Variants in H1-7 observed in about 807,000 individuals in gnomAD.
H1-7 encodes H1.7 linker histone, also known as testis-specific H1 histone.
A neutral mutation model predicts 0.3 loss-of-function variants in H1-7; 1 was observed. The ratio of observed to expected loss-of-function variants is 3.06; its 90% confidence interval spans 1.09 to 14.53. H1-7 has a LOEUF of 14.53. H1-7 is among the 30% of genes most tolerant of loss of function. The pLI is 0.12. For synonymous variants in H1-7, 177 were observed against 153.2 expected (o/e 1.16, Z -1.15); for missense variants, 393 against 353.1 (o/e 1.11, Z -0.91).
In H1-7 at chr12:48,329,345, G is replaced by T; in HGVS notation, c.54G>T (p.Gly18=). The T allele has an allele frequency of 6.2e-7, 1 of 1,606,996 alleles. No homozygotes were observed. Among genetic ancestry groups the T allele is most frequent in the Non-Finnish European group, 8.5e-7 (1 of 1,176,344 alleles). The change falls in exon 1 of 1, where the codon GGG becomes GGT. Residue 18 remains glycine, a synonymous_variant. Coordinates refer to ENST00000335017, the MANE Select transcript of H1-7 (RefSeq NM_181788.1). ...AAAGCCGGTGGCCCCGCAGAGGCGGGAGTGGGGCCATGGCTGAGGCGCCTG... is the reference window on the plus strand; with the variant it reads ...AAAGCCGGTGGCCCCGCAGAGGCGGTAGTGGGGCCATGGCTGAGGCGCCTG... ...EAQSRWPRRG[G]SGAMAEAPGP... is the part of the protein sequence containing the mutation.
At position 48,330,134 on chromosome 12, in the gene H1-7, C is replaced by G. The variant is rs988323356; in HGVS notation, c.*75C>G. The G allele has an allele frequency of 4.1e-6, 6 of 1,448,888 alleles. No individual in the cohort carries two copies. The highest frequency in any genetic ancestry group is 5.5e-6 in the Non-Finnish European group (6 of 1,090,502). 89.8% of individuals were successfully genotyped at this position (1,448,888 alleles called of 1,614,324 possible). On this transcript the variant is annotated 3_prime_UTR_variant, in exon 1 of 1. Transcript: ENST00000335017. ...CACTAAAGACTTCCACAAAGACCTC[C>G]CCTAAATCTGAAGGTCTTCCTGATC...
Position 48,329,702 on chromosome 12 carries a change from A to G in H1-7, c.411A>G (p.Gln137=), listed in dbSNP as rs767600904. 3.7e-6 allele frequency: 6 copies of G among 1,610,228 alleles called. No individual in the cohort carries two copies. Among genetic ancestry groups the G allele is most frequent in the African/African-American group, 1.3e-5 (1 of 74,872 alleles). The change falls in exon 1 of 1, where the codon CAA becomes CAG. Residue 137 remains glutamine (Q), a synonymous_variant. Transcript: ENST00000335017. The stretch of plus-strand genomic sequence containing the variant: ...GGAGAAAGCCGGGACGCGCGAGGCA[A>G]GAGGAGGGCACGCGCGCTCCCTGGA... The part of the protein sequence containing the change: ...KPRRKPGRAR[Q]EEGTRAPWRT...
rs760796679 is a variant in H1-7 at position 48,329,773 on chromosome 12, T to C, written c.482T>C (p.Leu161Pro). 1.9e-6 allele frequency: 3 copies of C among 1,599,520 alleles called. No homozygotes were observed. Among genetic ancestry groups the C allele is most frequent in the Non-Finnish European group, 2.6e-6 (3 of 1,174,256 alleles). Residue 161 changes from leucine (L) to proline (P), a missense_variant, in exon 1 of 1, where the codon CTT becomes CCT. Transcript: ENST00000335017. The part of the protein sequence containing the change: ...PRSSRRRRQP[L>P]RKAARKAREV... Reference sequence around the variant, plus strand: ...AGCTCCCGGAGGCGCCGCCAGCCCCTTCGCAAGGCGGCCAGGAAGGCCAGA... The same window carrying C: ...AGCTCCCGGAGGCGCCGCCAGCCCCCTCGCAAGGCGGCCAGGAAGGCCAGA...
rs1434825856 is a variant in H1-7, at chr12:48,329,366, G to T, written c.75G>T (p.Ala25=). 4 of 1,611,224 alleles carry T rather than the reference G, an allele frequency of 2.5e-6. No individual in the cohort carries two copies. Among genetic ancestry groups the T allele is most frequent in the Non-Finnish European group, 3.4e-6 (4 of 1,178,766 alleles). ...RRGGSGAMAE[A]PGPSGESRGH... ...GCGGGAGTGGGGCCATGGCTGAGGC[G>T]CCTGGGCCCAGTGGCGAATCCCGAG... is the stretch of plus-strand genomic sequence containing the variant. Residue 25 remains alanine (A), a synonymous_variant, in exon 1 of 1, where the codon GCG becomes GCT. Transcript: ENST00000335017.
rs1279996982 is a variant in H1-7, at chr12:48,329,811, C to T, written c.520C>T (p.Arg174Trp). Residue 174 changes from arginine to tryptophan, a missense_variant, in exon 1 of 1, where the codon CGG becomes TGG. By Grantham distance (101) the Arg-to-Trp change is moderately radical. Transcript: ENST00000335017. Reference protein sequence around the residue: ...AARKAREVWRRNARAKAKANA... With the variant: ...AARKAREVWRWNARAKAKANA... ...CAGGAAGGCCAGAGAAGTGTGGAGA[C>T]GGAACGCGAGGGCGAAAGCCAAGGC... The T allele has an allele frequency of 5.6e-6, 9 of 1,596,924 alleles. No homozygotes were observed. Among genetic ancestry groups the T allele is most frequent in the East Asian group, 2.3e-5 (1 of 44,264 alleles).
In H1-7 at chr12:48,329,544, A is replaced by C; in HGVS notation, c.253A>C (p.Asn85His). 1 of 1,613,396 alleles carries C rather than the reference A, an allele frequency of 6.2e-7. No individual in the cohort carries two copies. The highest frequency in any genetic ancestry group is 8.5e-7 in the Non-Finnish European group (1 of 1,179,896). Residue 85 changes from asparagine to histidine, a missense_variant, in exon 1 of 1, where the codon AAC (asparagine) becomes CAC (histidine). Physicochemically the swap from Asn to His is moderately conservative, Grantham distance 68. Transcript: ENST00000335017. ...GGCAGCTCTCAAGAAGGAGCTCCGAAACGCCGGCTACGAAGTGCGCAGGAA... is the reference window on the plus strand; with the variant it reads ...GGCAGCTCTCAAGAAGGAGCTCCGACACGCCGGCTACGAAGTGCGCAGGAA... ...TLAALKKELRNAGYEVRRKSG... is the reference protein window; with the variant it reads ...TLAALKKELRHAGYEVRRKSG...
chr12:48,329,790 A>G lies in H1-7; in HGVS notation c.499A>G (p.Lys167Glu). The G allele has an allele frequency of 6.3e-7, 1 of 1,598,658 alleles. No homozygotes were observed. The highest frequency in any genetic ancestry group is 8.5e-7 in the Non-Finnish European group (1 of 1,173,516). ...CCAGCCCCTTCGCAAGGCGGCCAGG[A>G]AGGCCAGAGAAGTGTGGAGACGGAA... ...RRQPLRKAAR[K>E]AREVWRRNAR... Residue 167 changes from lysine to glutamate, a missense_variant, in exon 1 of 1, where the codon AAG (lysine) becomes GAG (glutamate). By Grantham distance (56) the Lys-to-Glu change is moderately conservative. Coordinates refer to ENST00000335017, the MANE Select transcript of H1-7 (RefSeq NM_181788.1).
At position 48,329,417 on chromosome 12, in the gene H1-7, G is replaced by A. The variant is rs200829920; in HGVS notation, c.126G>A (p.Ala42=). Reference sequence around the variant, plus strand: ...GACACTCAGCCACTCAGCTGCCAGCGGAAAAAACTGTCGGGGGACCATCGA... The same window carrying A: ...GACACTCAGCCACTCAGCTGCCAGCAGAAAAAACTGTCGGGGGACCATCGA... ...SRGHSATQLP[A]EKTVGGPSRG... The change falls in exon 1 of 1, where the codon GCG becomes GCA. Residue 42 remains alanine (A), a synonymous_variant. Coordinates refer to ENST00000335017, the MANE Select transcript of H1-7 (RefSeq NM_181788.1). The A allele has an allele frequency of 2.0e-5, 33 of 1,614,186 alleles. 1 individual carries two copies. In the Admixed American group the frequency reaches 5.3e-4, roughly 26 times the overall value.
Position 48,329,129 on chromosome 12 carries a change from C to G in H1-7, c.-163C>G. The stretch of plus-strand genomic sequence containing the variant: ...TAGGTGACTGTTGGGGGTGGACAGG[C>G]GCTGAAGACTTGGATTGGTTTAGAC... On this transcript the variant is annotated 5_prime_UTR_variant, in exon 1 of 1. Coordinates refer to ENST00000335017, the MANE Select transcript of H1-7 (RefSeq NM_181788.1). The G allele has an allele frequency of 1.3e-6, 1 of 753,686 alleles. No individual in the cohort carries two copies. The highest frequency in any genetic ancestry group is 2.1e-6 in the Non-Finnish European group (1 of 483,190). 46.7% of individuals were successfully genotyped at this position (753,686 alleles called of 1,614,324 possible).
the H1-7 span, chr12:48,329,916 G>T: frequency 6.3e-7 from 1 of 1,598,506 alleles, no homozygotes; most frequent in Admixed American, 1.8e-5. Context: ...GGAGGAAGCG[G>T]GAGCGACAGC....
Position 48,329,965 on chromosome 12 carries a change from C to T in H1-7, c.674C>T (p.Thr225Ile), listed in dbSNP as rs774468921. 5.6e-6 allele frequency: 9 copies of T among 1,612,746 alleles called. No homozygotes were observed. Among genetic ancestry groups the T allele is most frequent in the Non-Finnish European group, 7.6e-6 (9 of 1,179,432 alleles). ...EGRGQAVKED[T>I]TPRSGKDKRR... is the part of the protein sequence containing the mutation. ...CGAGGACAGGCCGTGAAGGAAGACA[C>T]CACGCCGAGGTCAGGGAAGGACAAG... Residue 225 changes from threonine (T) to isoleucine (I), a missense_variant, in exon 1 of 1, where the codon ACC becomes ATC. Transcript: ENST00000335017.
At position 48,329,965 on chromosome 12, in the gene H1-7, C is replaced by A. The variant is rs774468921; in HGVS notation, c.674C>A (p.Thr225Asn). 1.9e-6 allele frequency: 3 copies of A among 1,612,628 alleles called. No individual in the cohort carries two copies. Among genetic ancestry groups the A allele is most frequent in the Middle Eastern group, 1.7e-4 (1 of 6,032 alleles). ...EGRGQAVKED[T>N]TPRSGKDKRR... ...CGAGGACAGGCCGTGAAGGAAGACA[C>A]CACGCCGAGGTCAGGGAAGGACAAG... Residue 225 changes from threonine to asparagine, a missense_variant, in exon 1 of 1, where the codon ACC becomes AAC. Coordinates refer to ENST00000335017, the MANE Select transcript of H1-7 (RefSeq NM_181788.1).
At position 48,329,193 on chromosome 12, in the gene H1-7, A is replaced by T; in HGVS notation, c.-99A>T. 7.3e-7 allele frequency: 1 copy of T among 1,374,262 alleles called. No individual in the cohort carries two copies. Among genetic ancestry groups the T allele is most frequent in the Non-Finnish European group, 9.7e-7 (1 of 1,030,532 alleles). 85.1% of individuals were successfully genotyped at this position (1,374,262 alleles called of 1,614,324 possible). A position where few individuals can be genotyped will look rare whatever the true frequency, so the allele number is the denominator to read the frequency against. On this transcript the variant is annotated 5_prime_UTR_variant, in exon 1 of 1. Transcript: ENST00000335017. ...GCATTTGATTGGTTATTATAAGTGA[A>T]AAGGGCCCCTCCCCGGGTGAGATAT...
chr12:48,329,638 C>CCG, the H1-7 span: 5 of 1,611,548 alleles, frequency 3.1e-6, no homozygotes, highest in Non-Finnish European at 4.2e-6. Context: ...GGCAGCGACG[C>CCG]CGCCGGCTAC....
At position 48,329,115 on chromosome 12, in the gene H1-7, TG is replaced by T; in HGVS notation, c.-172del. On this transcript the variant is annotated 5_prime_UTR_variant, in exon 1 of 1. Transcript: ENST00000335017. The stretch of plus-strand genomic sequence containing the variant: ...GGAGACTCTATAGGTAGGTGACTGT[TG>T]GGGGTGGACAGGCGCTGAAGACTTG... 2 of 656,318 alleles carry T rather than the reference TG, an allele frequency of 3.0e-6. No homozygotes were observed. 40.7% of individuals were successfully genotyped at this position (656,318 alleles called of 1,614,324 possible).
At position 48,329,031 on chromosome 12, in the gene H1-7, C is replaced by G; in HGVS notation, c.-261C>G. ...AGGACCACATACACACACAAAATAG[C>G]CGACTAAAGAAAGCGGTGGAGATCG... On this transcript the variant is annotated 5_prime_UTR_variant, in exon 1 of 1. Transcript: ENST00000335017. 2.2e-6 allele frequency: 1 copy of G among 456,270 alleles called. No homozygotes were observed. The highest frequency in any genetic ancestry group is 3.9e-6 in the Non-Finnish European group (1 of 259,698). The allele number at this position is 456,270 out of a possible 1,614,324, so 28.3% of individuals were successfully genotyped here. A position where few individuals can be genotyped will look rare whatever the true frequency, so the allele number is the denominator to read the frequency against.
chr12:48,329,504 C>CA, the H1-7 span: 1 of 1,614,064 alleles, frequency 6.2e-7, no homozygotes, highest in African/African-American at 1.3e-5. Flanking sequence ...TCTCCACTCA[C>CA]AAAGGGCTGA....
chr12:48,329,718 G>T lies in H1-7; in HGVS notation c.427G>T (p.Ala143Ser), dbSNP rs897772424. 1 of 1,607,852 alleles carries T rather than the reference G, an allele frequency of 6.2e-7. No individual in the cohort carries two copies. Among genetic ancestry groups the T allele is most frequent in the Non-Finnish European group, 8.5e-7 (1 of 1,178,456 alleles). ...GRARQEEGTR[A>S]PWRTPAAPRS... is the part of the protein sequence containing the mutation. Reference sequence around the variant, plus strand: ...CGCGAGGCAAGAGGAGGGCACGCGCGCTCCCTGGAGGACCCCAGCCGCGCC... The same window carrying T: ...CGCGAGGCAAGAGGAGGGCACGCGCTCTCCCTGGAGGACCCCAGCCGCGCC... The change falls in exon 1 of 1, where the codon GCT becomes TCT. Residue 143 changes from alanine (A) to serine (S), a missense_variant. Ala to Ser is a moderately conservative substitution (Grantham distance 99, BLOSUM62 1). Transcript: ENST00000335017.
In H1-7 at chr12:48,329,927, G is replaced by A. The variant is rs377514400; in HGVS notation, c.636G>A (p.Ala212=). The A allele has an allele frequency of 5.0e-6, 8 of 1,602,292 alleles. No individual in the cohort carries two copies. Among genetic ancestry groups the A allele is most frequent in the South Asian group, 1.1e-5 (1 of 89,676 alleles). The change falls in exon 1 of 1, where the codon GCG becomes GCA. Residue 212 remains alanine, a synonymous_variant. Coordinates refer to ENST00000335017, the MANE Select transcript of H1-7 (RefSeq NM_181788.1). ...CCAAGGAGGAAGCGGGAGCGACAGC[G>A]GCAGACGAGGGGCGAGGACAGGCCG... is the stretch of plus-strand genomic sequence containing the variant. The part of the protein sequence containing the change: ...ARAKEEAGAT[A]ADEGRGQAVK...
Sources: gnomAD v4.1 joint callset for allele counts on GRCh38, gnomAD v4.1.1 for gene constraint, MANE v1.5 for transcripts, NCBI Gene and HGNC (gene_info 2026-07-23, HGNC 2026-07-21) for gene names.